RNF6: variants seen among roughly 807,000 people sequenced by gnomAD.
RNF6 encodes the protein E3 ubiquitin-protein ligase RNF6.
A neutral mutation model predicts 50.1 loss-of-function variants in RNF6; 21 were observed. That is an observed-to-expected ratio of 0.42 (90% CI 0.30 to 0.60). The LOEUF (loss-of-function observed/expected upper bound fraction) is 0.60, where lower values mean the gene tolerates loss of function less well. Ranked by LOEUF, RNF6 falls within the 20% of genes least tolerant of loss-of-function variation. RNF6 has a pLI of 0.20. For missense variants in RNF6, 698 were observed against 838.2 expected (o/e 0.83, Z 2.07); for synonymous variants, 255 against 291.8 (o/e 0.87, Z 1.29).
intron 5 of RNF6, among the ~76,000 whole-genome samples, chr13:26,140,299 G>A (rs1465588332): frequency 6.6e-6 from 1 of 152,134 alleles, no homozygotes; most frequent in East Asian, 1.9e-4. Flanking sequence ...GAATTGGATG[G>A]CCTCCAGAAT....
At chr13:26,139,773 C>T (rs575749534) in intron 5 of RNF6, among the ~76,000 whole-genome samples, 1 of 152,262 alleles carries the variant, frequency 6.6e-6, no homozygotes, top group South Asian at 2.1e-4. Flanking sequence ...TATTTCCTTG[C>T]ATATGTTTAC....
At chr13:26,198,547 A>G (rs913909864) in intron 5 of RNF6, among the ~76,000 whole-genome samples, 2 of 151,928 alleles carry the variant, frequency 1.3e-5, no homozygotes, top group Non-Finnish European at 2.9e-5. Flanking sequence ...GAGCTAACAT[A>G]CTTAATAGTG....
At chr13:26,187,626 C>T (rs2137676089) in intron 5 of RNF6, among the ~76,000 whole-genome samples, 1 of 152,272 alleles carries the variant, frequency 6.6e-6, no homozygotes, top group African/African-American at 2.4e-5. Flanking sequence ...GTAACGTACC[C>T]AAGGTCTTAT....
At chr13:26,163,298 A>C (rs1302826064) in intron 5 of RNF6, among the ~76,000 whole-genome samples, 1 of 151,516 alleles carries the variant, frequency 6.6e-6, no homozygotes, top group African/African-American at 2.4e-5. Flanking sequence ...GGAGACAGAG[A>C]GAGACTCCGT....
chr13:26,179,256 G>A (rs1256510840), intron 5 of RNF6, among the ~76,000 whole-genome samples: 2 of 152,184 alleles, frequency 1.3e-5, no homozygotes, highest in South Asian at 2.1e-4. Flanking sequence ...TCTAGTCGAC[G>A]AGACAGACAC....
At chr13:26,202,679 A>T (rs1868940887) in intron 5 of RNF6, among the ~76,000 whole-genome samples, 1 of 152,272 alleles carries the variant, frequency 6.6e-6, no homozygotes, top group Non-Finnish European at 1.5e-5. Flanking sequence ...TGATCCCCAG[A>T]AGAACAGACT....
chr13:26,139,656 T>C (rs1384655691), intron 5 of RNF6, among the ~76,000 whole-genome samples: 2 of 152,206 alleles, frequency 1.3e-5, no homozygotes, highest in Non-Finnish European at 2.9e-5. Context: ...ATCTTTATAA[T>C]ATTGACTCTT....
intron 5 of RNF6, among the ~76,000 whole-genome samples, chr13:26,165,697 C>T (rs985552344): frequency 6.6e-6 from 1 of 152,170 alleles, no homozygotes; most frequent in Non-Finnish European, 1.5e-5. Context: ...ATTTGACTGC[C>T]CTGCTGGATT....
chr13:26,139,431 T>C (rs1276293245), intron 5 of RNF6, among the ~76,000 whole-genome samples: 2 of 152,188 alleles, frequency 1.3e-5, no homozygotes, highest in African/African-American at 4.8e-5. Flanking sequence ...TGTGGCCCTG[T>C]GTGGCATGCC....
intron 5 of RNF6, among the ~76,000 whole-genome samples, chr13:26,159,459 C>T (rs1353730014): frequency 6.6e-6 from 1 of 151,972 alleles, no homozygotes; most frequent in South Asian, 2.1e-4. Context: ...GCCGTCTCTA[C>T]TAAAAAATAC....
chr13:26,167,806 C>T (rs572390816), intron 5 of RNF6, among the ~76,000 whole-genome samples: 56 of 152,266 alleles, frequency 3.7e-4, no homozygotes, highest in African/African-American at 1.0e-3. Flanking sequence ...CCTAAATGCC[C>T]GTCACTGGTG....
chr13:26,203,429 T>G (rs1868971013), intron 5 of RNF6, among the ~76,000 whole-genome samples: 1 of 152,228 alleles, frequency 6.6e-6, no homozygotes, highest in Non-Finnish European at 1.5e-5. Flanking sequence ...CTAAATGTGC[T>G]AAGGATGTTA....
At chr13:26,154,859 G>C (rs778996695) in intron 5 of RNF6, among the ~76,000 whole-genome samples, 1 of 151,916 alleles carries the variant, frequency 6.6e-6, no homozygotes, top group Non-Finnish European at 1.5e-5. Flanking sequence ...GCAAAACCCT[G>C]TCTCTACTAA....
chr13:26,163,546 T>C (rs1872313353), intron 5 of RNF6, among the ~76,000 whole-genome samples: 1 of 152,188 alleles, frequency 6.6e-6, no homozygotes, highest in Admixed American at 6.5e-5. Context: ...TATAGGTAAA[T>C]TCTTTAAATA....
intron 5 of RNF6, among the ~76,000 whole-genome samples, chr13:26,150,330 C>T (rs567246866): frequency 3.9e-5 from 6 of 152,028 alleles, no homozygotes; most frequent in Middle Eastern, 3.4e-3. Flanking sequence ...TTGAAGCTCG[C>T]GAATAACGAT....
chr13:26,156,720 T>A lies in RNF6; in HGVS notation n.769-24269A>T, dbSNP rs4770928. The stretch of plus-strand genomic sequence containing the variant: ...AACTGAAATAAAAACAAAAATAAAA[T>A]AAAAACTACTTAGAAAGTATCAGAT... On this transcript the variant is annotated intron_variant and non_coding_transcript_variant, in intron 5 of 5. Coordinates refer to the RNF6 transcript ENST00000468480. Among the ~76,000 whole-genome samples, 5 of 152,128 alleles carry A rather than the reference T, an allele frequency of 3.3e-5. No individual in the cohort carries two copies. The East Asian group carries it at 9.7e-4, about 29-fold the overall frequency.
rs930587083 is a variant in RNF6 at position 26,213,603 on chromosome 13, G to C, written c.*221C>G. The stretch of plus-strand genomic sequence containing the variant: ...ACATTTTAGAGGTTATTTGGTTCTA[G>C]CAATATTAACTATTCTGTATTTCTG... On this transcript the variant is annotated 3_prime_UTR_variant, in exon 5 of 5. Transcript: ENST00000381588. 5 of 385,952 alleles carry C rather than the reference G, an allele frequency of 1.3e-5. No homozygotes were observed. The highest frequency in any genetic ancestry group is 1.0e-4 in the African/African-American group (5 of 47,860). 23.9% of individuals were successfully genotyped at this position (385,952 alleles called of 1,614,324 possible).
Position 26,215,069 on chromosome 13 carries a change from CT to C in RNF6, c.812del (p.Glu271GlyfsTer21). ...QSGGSELRQR[E>X]GQRFGAAHVW... ...CATGTGCTGCTCCAAACCGTTGCCCCTCCCTTTGCCTGAGTTCACTACCACC... is the reference window on the plus strand; with the variant it reads ...CATGTGCTGCTCCAAACCGTTGCCCCCCCTTTGCCTGAGTTCACTACCACC... On this transcript the variant is annotated frameshift_variant, in exon 5 of 5. Transcript: ENST00000381588. LOFTEE classifies it high-confidence loss of function. 6.2e-7 allele frequency: 1 copy of C among 1,614,236 alleles called. No individual in the cohort carries two copies. Among genetic ancestry groups the C allele is most frequent in the Non-Finnish European group, 8.5e-7 (1 of 1,180,040 alleles).
At chr13:26,182,148 A>T (rs564079053) in intron 5 of RNF6, among the ~76,000 whole-genome samples, 1 of 152,372 alleles carries the variant, frequency 6.6e-6, no homozygotes, top group African/African-American at 2.4e-5. Flanking sequence ...GAGAGGACAC[A>T]CAAAATACTT....
Sources: allele counts gnomAD v4.1 joint callset (sites outside exome capture counted in the v4.1 genomes callset), GRCh38; gene constraint gnomAD v4.1.1; transcripts MANE v1.5; gene names NCBI Gene and HGNC (gene_info 2026-07-23, HGNC 2026-07-21).